Variants in IL1F10 observed in about 807,000 individuals in gnomAD.
IL1F10 encodes the protein interleukin-1 family member 10.
Under a neutral mutation model 13.1 loss-of-function variants are expected in IL1F10, and 13 were observed. The observed-to-expected ratio is 0.99, with a 90% CI of 0.64 to 1.57. IL1F10 has a LOEUF of 1.57. Ranked by LOEUF, IL1F10 falls within the 40% of genes most tolerant of loss-of-function variation. The probability of loss-of-function intolerance (pLI) is 0.00; values close to 1 mark genes in which losing one functional copy is unlikely to be tolerated. For synonymous variants in IL1F10, 78 were observed against 68.2 expected (o/e 1.14, Z -0.71); for missense variants, 191 against 184.1 (o/e 1.04, Z -0.22).
At chr2:113,075,101 A>C in intron 4 of IL1F10, 51 bp from the exon 5 acceptor site, 1 of 1,521,784 alleles carries the variant, frequency 6.6e-7, no homozygotes, top group African/African-American at 1.4e-5. Flanking sequence ...CTCCAGGGCT[A>C]ACACCTCCAT....
intron 1 of IL1F10, among the ~76,000 whole-genome samples, chr2:113,069,178 A>G (rs940969623): frequency 6.6e-6 from 1 of 152,224 alleles, no homozygotes; most frequent in African/African-American, 2.4e-5. Flanking sequence ...GAAAGGAATT[A>G]TGTCGCCAGG....
At chr2:113,072,640 A>C in intron 1 of IL1F10, 71 bp from the exon 2 acceptor site, 1 of 1,058,146 alleles carries the variant, frequency 9.5e-7, no homozygotes, top group Middle Eastern at 2.0e-4. Context: ...GAGTGGTTCT[A>C]AGCCCCAGCA....
intron 2 of IL1F10, 83 bp downstream of exon 2, chr2:113,072,853 G>GGCT (rs762788144): frequency 1.7e-4 from 203 of 1,227,956 alleles, no homozygotes; most frequent in Non-Finnish European, 2.3e-4. Flanking sequence ...CAGAGGATGA[G>GGCT]GCTCCTTCTC....
At chr2:113,071,260 A>G (rs1314551540) in intron 1 of IL1F10, among the ~76,000 whole-genome samples, 1 of 152,256 alleles carries the variant, frequency 6.6e-6, no homozygotes. Flanking sequence ...CTTCTATAAT[A>G]TCATCTTTAA....
At chr2:113,073,606 T>C (rs3811056) in intron 2 of IL1F10, among the ~76,000 whole-genome samples, 108,191 of 151,636 alleles carry the variant, frequency 0.71, 38,708 homozygotes, top group South Asian at 0.81. Context: ...GAATGCCAGA[T>C]AACACGCCCA....
At chr2:113,072,486 C>T in intron 1 of IL1F10, 1 of 502,422 alleles carries the variant, frequency 2.0e-6, no homozygotes, top group Non-Finnish European at 3.6e-6. Flanking sequence ...GGCTCACACC[C>T]CTGGTGGCTG....
At position 113,074,866 on chromosome 2, in the gene IL1F10, C is replaced by T. The variant is rs1165780848; in HGVS notation, c.246+16C>T. 3 of 1,610,114 alleles carry T rather than the reference C, an allele frequency of 1.9e-6. No individual in the cohort carries two copies. The highest frequency in any genetic ancestry group is 2.5e-6 in the Non-Finnish European group (3 of 1,178,930). Reference sequence around the variant, plus strand: ...ACAGCTGGAGGTGAGAGGCCTCTCCCCATTCTAGGGGACACTGCAGACCTG... The same window carrying T: ...ACAGCTGGAGGTGAGAGGCCTCTCCTCATTCTAGGGGACACTGCAGACCTG... On this transcript the variant is annotated intron_variant, in intron 4 of 4. Transcript: ENST00000341010.
At chr2:113,074,275 G>T in intron 2 of IL1F10, 54 bp from the exon 3 acceptor site, 1 of 1,142,142 alleles carries the variant, frequency 8.8e-7, no homozygotes. Context: ...GAAGGGCTTG[G>T]GGGCCAGTGG....
At chr2:113,070,529 C>A (rs1478792456) in intron 1 of IL1F10, among the ~76,000 whole-genome samples, 2 of 152,170 alleles carry the variant, frequency 1.3e-5, no homozygotes, top group African/African-American at 4.8e-5. Flanking sequence ...CCACCTAGAT[C>A]TGGGCACAGC....
chr2:113,072,621 C>T, intron 1 of IL1F10, 90 bp from the exon 2 acceptor site: 1 of 823,150 alleles, frequency 1.2e-6, no homozygotes, highest in South Asian at 1.6e-5. Context: ...ACCCGTGCAG[C>T]CCTTGGCTGA....
chr2:113,072,651 C>T (rs891097424), intron 1 of IL1F10, 60 bp from the exon 2 acceptor site: 14 of 1,181,716 alleles, frequency 1.2e-5, no homozygotes, highest in Non-Finnish European at 1.6e-5. Flanking sequence ...AGCCCCAGCA[C>T]GTCTGCCTCT....
In IL1F10 at chr2:113,074,788, C is replaced by G; in HGVS notation, c.184C>G (p.Gln62Glu). The change falls in exon 4 of 5, where the codon CAG (glutamine) becomes GAG (glutamate). Residue 62 changes from glutamine to glutamate, a missense_variant. Physicochemically the swap from Gln to Glu is conservative, Grantham distance 29. Transcript: ENST00000341010. ...CAAGGTCCCCATTTTCCTGGGGATC[C>G]AGGGAGGGAGCCGCTGCCTGGCATG... ...RTKVPIFLGI[Q>E]GGSRCLACVE... 6.2e-7 allele frequency: 1 copy of G among 1,613,820 alleles called. No homozygotes were observed. The highest frequency in any genetic ancestry group is 8.5e-7 in the Non-Finnish European group (1 of 1,179,974).
chr2:113,072,766 T>C lies in IL1F10; in HGVS notation c.28T>C (p.Tyr10His), dbSNP rs752877765. 4.3e-6 allele frequency: 7 copies of C among 1,613,044 alleles called. No homozygotes were observed. The South Asian group carries it at 7.7e-5, about 18-fold the overall frequency. The change falls in exon 2 of 5, where the codon TAC becomes CAC. Residue 10 changes from tyrosine to histidine, a missense_variant. Transcript: ENST00000341010. ...GTGTTCCCTCCCCATGGCAAGATAC[T>C]ACATGTAAGTTGTCCTGGCATGTCC... MCSLPMARY[Y>H]IIKYADQKAL...
At chr2:113,074,196 C>T (rs1392342960) in intron 2 of IL1F10, 133 bp from the exon 3 acceptor site, 3 of 657,642 alleles carry the variant, frequency 4.6e-6, no homozygotes, top group Non-Finnish European at 5.6e-6. Context: ...TGACCATTCC[C>T]CTCTTACCAC....
At chr2:113,068,830 A>G (rs6755497) in intron 1 of IL1F10, among the ~76,000 whole-genome samples, 6,946 of 152,284 alleles carry the variant, frequency 0.046, 536 homozygotes, top group African/African-American at 0.16. Context: ...AGTTCAGAGT[A>G]GAGTTACAAT....
At chr2:113,071,542 C>G (rs1573246432) in intron 1 of IL1F10, among the ~76,000 whole-genome samples, 1 of 152,214 alleles carries the variant, frequency 6.6e-6, no homozygotes, top group Non-Finnish European at 1.5e-5. Flanking sequence ...ATCCTTCACT[C>G]TAAGTCTCAA....
In IL1F10 at chr2:113,074,732, G is replaced by C. The variant is rs781466828; in HGVS notation, c.128G>C (p.Cys43Ser). ...VADNCCAEKI[C>S]ILPNRGLART... ...CTCTCTTCCCTCCTAGAGAAGATCT[G>C]CATACTTCCTAACAGAGGCTTGGCC... The change falls in exon 4 of 5, where the codon TGC becomes TCC. Residue 43 changes from cysteine to serine, a missense_variant. Cys to Ser is a moderately radical substitution (Grantham distance 112). Transcript: ENST00000341010. 1 of 1,613,570 alleles carries C rather than the reference G, an allele frequency of 6.2e-7. No individual in the cohort carries two copies. The highest frequency in any genetic ancestry group is 8.5e-7 in the Non-Finnish European group (1 of 1,179,476).
intron 1 of IL1F10, 61 bp from the exon 2 acceptor site, chr2:113,072,650 A>G (rs1280071356): frequency 8.6e-7 from 1 of 1,159,858 alleles, no homozygotes; most frequent in Non-Finnish European, 1.3e-6. Context: ...AAGCCCCAGC[A>G]CGTCTGCCTC....
At chr2:113,070,452 C>T (rs1199615319) in intron 1 of IL1F10, among the ~76,000 whole-genome samples, 2 of 152,216 alleles carry the variant, frequency 1.3e-5, no homozygotes, top group East Asian at 3.8e-4. Flanking sequence ...TTTGAGCTGA[C>T]ACTGACCCAG....
Sources: allele counts gnomAD v4.1 joint callset (sites outside exome capture counted in the v4.1 genomes callset), GRCh38; gene constraint gnomAD v4.1.1; transcripts MANE v1.5; gene names NCBI Gene and HGNC (gene_info 2026-07-23, HGNC 2026-07-21).